Variants in KIAA1328 observed in about 807,000 individuals in gnomAD.
KIAA1328 encodes KIAA1328.
A neutral mutation model predicts 68.1 loss-of-function variants in KIAA1328; 52 were observed. The ratio of observed to expected loss-of-function variants is 0.76; its 90% confidence interval spans 0.61 to 0.96. The LOEUF is 0.96. Ranked by LOEUF, KIAA1328 falls within the 40% of genes least tolerant of loss-of-function variation. The probability of loss-of-function intolerance (pLI) is 0.00; values close to 1 mark genes in which losing one functional copy is unlikely to be tolerated. For missense variants in KIAA1328, 641 were observed against 677.6 expected, an observed-to-expected ratio of 0.95 and a Z score of 0.60; for synonymous variants, 232 against 239.4, an observed-to-expected ratio of 0.97 and a Z score of 0.28.
At chr18:37,148,062 A>G (rs1234754287) in intron 7 of KIAA1328, among the ~76,000 whole-genome samples, 5 of 152,010 alleles carry the variant, frequency 3.3e-5, no homozygotes, top group African/African-American at 4.8e-5. Flanking sequence ...TGCTGCACCT[A>G]TCAACCCATC....
intron 4 of KIAA1328, among the ~76,000 whole-genome samples, chr18:36,858,722 T>A (rs2047459918): frequency 6.6e-6 from 1 of 152,212 alleles, no homozygotes; most frequent in Non-Finnish European, 1.5e-5. Context: ...GACTGCTCCT[T>A]AATTTGGGAT....
chr18:36,979,740 A>G (rs2052609320), intron 6 of KIAA1328, among the ~76,000 whole-genome samples: 1 of 152,202 alleles, frequency 6.6e-6, no homozygotes, highest in Non-Finnish European at 1.5e-5. Context: ...CAGTGGGTTC[A>G]GAGTTGCAAA....
rs1289215831 is a variant in KIAA1328 at position 37,027,047 on chromosome 18, G to A, written c.577-39843G>A. Among the ~76,000 whole-genome samples the A allele has an allele frequency of 5.3e-5, 8 of 151,676 alleles. No individual in the cohort carries two copies. In the East Asian group the frequency reaches 9.7e-4, roughly 18 times the overall value. ...AAGTCTCTGGATACAAAATCAATGT[G>A]CAAAAATCACAAGCATTCTTTACAC... On this transcript the variant is annotated intron_variant, in intron 6 of 9. Transcript: ENST00000280020.
intron 1 of KIAA1328, chr18:36,829,498 C>T (rs770897326): frequency 3.1e-5 from 36 of 1,155,516 alleles, no homozygotes; most frequent in East Asian, 4.0e-5. Context: ...GATGGCCCTC[C>T]GAGGTCCCTC....
At chr18:36,959,563 T>C (rs558075950) in intron 6 of KIAA1328, 128 bp downstream of exon 6, 103 of 962,760 alleles carry the variant, frequency 1.1e-4, no homozygotes, top group Middle Eastern at 4.9e-4. Context: ...CCACTGCGTG[T>C]GATTGAGTTG....
Position 36,850,642 on chromosome 18 carries a change from A to G in KIAA1328, c.332+6340A>G, listed in dbSNP as rs1174596686. 2.6e-5 allele frequency among the ~76,000 whole-genome samples: 4 copies of G among 152,174 alleles called. No homozygotes were observed. The East Asian group carries it at 7.7e-4, about 29-fold the overall frequency. On this transcript the variant is annotated intron_variant, in intron 4 of 9. Coordinates refer to ENST00000280020, the MANE Select transcript of KIAA1328 (RefSeq NM_020776.3). ...ATCACTACTCTTGTGCTGTGGAGCC[A>G]TTATTTACTAAAATAAGAGTTACTT... is the stretch of plus-strand genomic sequence containing the variant.
At chr18:36,952,479 A>C (rs963196024) in intron 5 of KIAA1328, among the ~76,000 whole-genome samples, 1 of 152,062 alleles carries the variant, frequency 6.6e-6, no homozygotes, top group South Asian at 2.1e-4. Flanking sequence ...TCATTTATTT[A>C]TATCATTTAC....
At chr18:36,919,836 A>C (rs1352111895) in intron 5 of KIAA1328, among the ~76,000 whole-genome samples, 4 of 152,190 alleles carry the variant, frequency 2.6e-5, no homozygotes, top group African/African-American at 9.6e-5. Context: ...TGAACTTTTT[A>C]AAATATATTT....
chr18:37,076,754 G>A (rs938959060), intron 7 of KIAA1328, among the ~76,000 whole-genome samples: 42 of 151,890 alleles, frequency 2.8e-4, no homozygotes, highest in Non-Finnish European at 5.1e-4. Context: ...TAAATTCCTC[G>A]ACACATACAC....
At chr18:36,876,809 A>G (rs2048143513) in intron 4 of KIAA1328, among the ~76,000 whole-genome samples, 1 of 151,810 alleles carries the variant, frequency 6.6e-6, no homozygotes, top group African/African-American at 2.4e-5. Context: ...TCATGTAGGC[A>G]TTTTGTTCTA....
At chr18:36,939,370 G>T (rs562066260) in intron 5 of KIAA1328, among the ~76,000 whole-genome samples, 15 of 152,072 alleles carry the variant, frequency 9.9e-5, no homozygotes, top group Non-Finnish European at 1.8e-4. Flanking sequence ...AATAAGACTG[G>T]TTTCTTATTT....
intron 7 of KIAA1328, among the ~76,000 whole-genome samples, chr18:37,135,957 G>A (rs892467158): frequency 6.6e-6 from 1 of 152,178 alleles, no homozygotes; most frequent in Admixed American, 6.5e-5. Flanking sequence ...AAGATCAGAT[G>A]ACAGTAGGTG....
intron 3 of KIAA1328, among the ~76,000 whole-genome samples, chr18:36,836,411 T>G (rs949683537): frequency 6.6e-6 from 1 of 152,206 alleles, no homozygotes; most frequent in Non-Finnish European, 1.5e-5. Context: ...TTCAGTGGCT[T>G]CTTTAGAGAT....
chr18:36,910,508 T>A (rs2049399307), intron 5 of KIAA1328, among the ~76,000 whole-genome samples: 1 of 152,228 alleles, frequency 6.6e-6, no homozygotes, highest in African/African-American at 2.4e-5. Context: ...AGTACCATGC[T>A]GTTTGGGTTA....
intron 5 of KIAA1328, among the ~76,000 whole-genome samples, chr18:36,906,973 T>G (rs909825506): frequency 2.0e-5 from 3 of 152,086 alleles, no homozygotes; most frequent in Non-Finnish European, 4.4e-5. Flanking sequence ...TCAAGTTATT[T>G]AGATGTAAGA....
chr18:36,949,796 A>G (rs2051083011), intron 5 of KIAA1328, among the ~76,000 whole-genome samples: 2 of 151,732 alleles, frequency 1.3e-5, no homozygotes, highest in South Asian at 4.2e-4. Context: ...TCCATCTTTA[A>G]GTGTCCAGAG....
At chr18:36,984,177 T>C (rs2052811175) in intron 6 of KIAA1328, among the ~76,000 whole-genome samples, 2 of 152,132 alleles carry the variant, frequency 1.3e-5, no homozygotes, top group South Asian at 4.1e-4. Context: ...ACTGAATGGT[T>C]TCCCCCAGTG....
chr18:37,141,330 A>G (rs1323022834), intron 7 of KIAA1328, among the ~76,000 whole-genome samples: 1 of 152,212 alleles, frequency 6.6e-6, no homozygotes, highest in Non-Finnish European at 1.5e-5. Context: ...CTAAATCTTC[A>G]TATAAGTAGA....
At chr18:37,138,948 C>CTTTTTT (rs869053490) in intron 7 of KIAA1328, among the ~76,000 whole-genome samples, 10 of 74,120 alleles carry the variant, frequency 1.3e-4, no homozygotes, top group African/African-American at 2.4e-4. Flanking sequence ...AAATTTTGTT[C>CTTTTTT]TTTTTTTTTT....
Sources: gnomAD v4.1 joint callset for allele counts (sites outside exome capture counted in the v4.1 genomes callset) on GRCh38, gnomAD v4.1.1 for gene constraint, MANE v1.5 for transcripts, NCBI Gene and HGNC (gene_info 2026-07-23, HGNC 2026-07-21) for gene names.